The following EPHB4 variants were observed in gnomAD, a reference collection of about 807,000 sequenced individuals.
The protein encoded by EPHB4 is ephrin type-B receptor 4.
A neutral mutation model predicts 110.6 loss-of-function variants in EPHB4; 50 were observed. That is an observed-to-expected ratio of 0.45 (90% CI 0.36 to 0.57). The LOEUF is 0.57. Among genes scored for constraint, EPHB4 ranks in the 20% least tolerant of loss-of-function variants. EPHB4 has a pLI of 0.00. For synonymous variants in EPHB4, 592 were observed against 578.4 expected (o/e 1.02, Z -0.34); for missense variants, 1,128 against 1,382.1 (o/e 0.82, Z 2.91).
At chr7:100,816,436 C>A (rs943950446) in intron 8 of EPHB4, among the ~76,000 whole-genome samples, 2 of 151,526 alleles carry the variant, frequency 1.3e-5, no homozygotes, top group East Asian at 4.0e-4. Context: ...CAGGTTCAAG[C>A]GATTCTCCTG....
intron 13 of EPHB4, among the ~76,000 whole-genome samples, 195 bp from the exon 14 acceptor site, chr7:100,806,764 G>A (rs1381312256): frequency 1.3e-5 from 2 of 152,008 alleles, no homozygotes; most frequent in African/African-American, 2.4e-5. Flanking sequence ...TCCGCCTCCC[G>A]GGTTCAACTG....
chr7:100,823,987 C>A, intron 2 of EPHB4, 56 bp from the exon 3 acceptor site: 1 of 1,525,950 alleles, frequency 6.6e-7, no homozygotes, highest in East Asian at 2.4e-5. Flanking sequence ...GAGAGGGCTG[C>A]ATGGGGTGAA....
chr7:100,819,940 G>C (rs1813178595), intron 5 of EPHB4, 51 bp from the exon 6 acceptor site: 2 of 1,505,092 alleles, frequency 1.3e-6, no homozygotes, highest in Non-Finnish European at 1.8e-6. Context: ...TGCGGTGGTG[G>C]GGAGAGGGCA....
chr7:100,817,169 C>A, intron 8 of EPHB4, 23 bp downstream of exon 8: 1 of 1,506,994 alleles, frequency 6.6e-7, no homozygotes, highest in South Asian at 1.3e-5. Context: ...AACCCCCACC[C>A]TCACCCCCTT....
At chr7:100,806,734 C>T (rs1034982490) in intron 13 of EPHB4, among the ~76,000 whole-genome samples, 165 bp from the exon 14 acceptor site, 3 of 151,996 alleles carry the variant, frequency 2.0e-5, no homozygotes, top group Non-Finnish European at 4.4e-5. Flanking sequence ...TGCAGTGGTG[C>T]GATCTTGGCT....
Position 100,805,495 on chromosome 7 carries a change from C to T in EPHB4, c.2678+6G>A, listed in dbSNP as rs1215943300. On this transcript the variant is annotated splice_donor_region_variant and intron_variant, in intron 15 of 16. Coordinates refer to ENST00000358173, the MANE Select transcript of EPHB4 (RefSeq NM_004444.5). Reference sequence around the variant, plus strand: ...GGAAGGAGGGCCCATTCTCTGCAGTCCTCACCCGCCATTCTCCCGGGCCAC... The same window carrying T: ...GGAAGGAGGGCCCATTCTCTGCAGTTCTCACCCGCCATTCTCCCGGGCCAC... 2 of 1,524,156 alleles carry T rather than the reference C, an allele frequency of 1.3e-6. No homozygotes were observed. The highest frequency in any genetic ancestry group is 1.8e-6 in the Non-Finnish European group (2 of 1,135,662). 94.4% of individuals were successfully genotyped at this position (1,524,156 alleles called of 1,614,324 possible).
At position 100,817,245 on chromosome 7, in the gene EPHB4, T is replaced by C. The variant is rs757880700; in HGVS notation, c.1535A>G (p.Glu512Gly). 5.0e-6 allele frequency: 8 copies of C among 1,602,788 alleles called. No homozygotes were observed. Among genetic ancestry groups the C allele is most frequent in the Non-Finnish European group, 6.8e-6 (8 of 1,175,328 alleles). The change falls in exon 8 of 17, where the codon GAG (glutamate) becomes GGG (glycine). Residue 512 changes from glutamate (E) to glycine (G), a missense_variant. By Grantham distance (98) the Glu-to-Gly change is moderately conservative. Around this residue, in one of 3 missense-constraint regions of EPHB4, gnomAD observed 728 missense variants for 828.6 expected, o/e 0.88. Coordinates refer to ENST00000358173, the MANE Select transcript of EPHB4 (RefSeq NM_004444.5). ...SYLVQVRARS[E>G]AGYGPFGQEH... ...CTGGCCGAAGGGCCCGTAGCCGGCC[T>C]CAGAGCGCGCCCGTACCTGCACCAG...
chr7:100,807,344 C>G (rs769869329), intron 13 of EPHB4, 21 bp downstream of exon 13: 1 of 1,611,398 alleles, frequency 6.2e-7, no homozygotes, highest in South Asian at 1.1e-5. Context: ...AGCTCACACC[C>G]AGTATTACCC....
chr7:100,821,425 C>G (rs940813113), intron 4 of EPHB4, among the ~76,000 whole-genome samples: 1 of 151,138 alleles, frequency 6.6e-6, no homozygotes, highest in Non-Finnish European at 1.5e-5. Context: ...GTCAGGAGAT[C>G]GAGACCATCC....
In EPHB4 at chr7:100,817,082, CAAA is replaced by C. The variant is rs35304729; in HGVS notation, c.1588+107_1588+109del. On this transcript the variant is annotated intron_variant, in intron 8 of 16. Transcript: ENST00000358173. ...TGAGGGACAGAGCAAGACTCCATCT[CAAA>C]AAAAAAAAAAAAAAAAAAAGATGAT... 25,951 of 777,812 alleles carry C rather than the reference CAAA, an allele frequency of 0.033. 1,050 individuals are homozygous for C. In the East Asian group the frequency reaches 0.37, roughly 11 times the overall value. The allele number at this position is 777,812 out of a possible 1,614,324, so 48.2% of individuals were successfully genotyped here. A position where few individuals can be genotyped will look rare whatever the true frequency, so the allele number is the denominator to read the frequency against.
At position 100,822,757 on chromosome 7, in the gene EPHB4, C is replaced by A. The variant is rs1813269329; in HGVS notation, c.412-90G>T. 2 of 1,430,486 alleles carry A rather than the reference C, an allele frequency of 1.4e-6. No individual in the cohort carries two copies. The highest frequency in any genetic ancestry group is 1.4e-5 in the African/African-American group (1 of 69,772). The allele number at this position is 1,430,486 out of a possible 1,614,324, so 88.6% of individuals were successfully genotyped here. A position where few individuals can be genotyped will look rare whatever the true frequency, so the allele number is the denominator to read the frequency against. ...GTTCTTCCCAGCTCACCCTCCCGGA[C>A]CTCCTTGGTTCCCGTTCCAGAATCT... On this transcript the variant is annotated intron_variant, in intron 3 of 16. Transcript: ENST00000358173. The surrounding 1 kb of genome is among the most constrained non-coding windows in gnomAD (Gnocchi z 4.7).
Position 100,823,632 on chromosome 7 carries a change from G to A in EPHB4, c.411+12C>T, listed in dbSNP as rs565844571. ...CCTTGGCTGTGGCTGAGCCCTGGGG[G>A]CACCCAGGTACCTTGATGTAGGGGT... On this transcript the variant is annotated intron_variant, in intron 3 of 16. Coordinates refer to ENST00000358173, the MANE Select transcript of EPHB4 (RefSeq NM_004444.5). 4.4e-6 allele frequency: 7 copies of A among 1,608,694 alleles called. No homozygotes were observed. In the African/African-American group the frequency reaches 9.3e-5, roughly 21 times the overall value.
Position 100,827,321 on chromosome 7 carries a change from C to G in EPHB4, c.-291G>C, listed in dbSNP as rs1027470148. On this transcript the variant is annotated 5_prime_UTR_variant, in exon 1 of 17. Coordinates refer to ENST00000358173, the MANE Select transcript of EPHB4 (RefSeq NM_004444.5). ...TGGGGTCCCTCCGGGGCCTCGGGGT[C>G]CCGCCCCGGGTGGCGGGGGCTGAGC... 6.6e-6 allele frequency: 1 copy of G among 152,006 alleles called. No individual in the cohort carries two copies. Among genetic ancestry groups the G allele is most frequent in the African/African-American group, 2.4e-5 (1 of 41,204 alleles). The allele number at this position is 152,006 out of a possible 1,614,324, so 9.4% of individuals were successfully genotyped here.
rs1417723516 is a variant in EPHB4 at position 100,803,488 on chromosome 7, C to T, written c.2937G>A (p.Gly979=). ...KSQAKPGTPG[G]TGGPAPQY is the part of the protein sequence containing the mutation. ...AGTACTGCGGGGCCGGTCCTCCTGT[C>T]CCACCCGGGGTTCCCGGCTTGGCCT... Residue 979 remains glycine, a synonymous_variant, in exon 17 of 17, where the codon GGG becomes GGA. Coordinates refer to ENST00000358173, the MANE Select transcript of EPHB4 (RefSeq NM_004444.5). 6.3e-7 allele frequency: 1 copy of T among 1,580,718 alleles called. No individual in the cohort carries two copies. The highest frequency in any genetic ancestry group is 1.8e-5 in the Admixed American group (1 of 55,016).
At chr7:100,810,016 A>C (rs1812894244) in intron 12 of EPHB4, among the ~76,000 whole-genome samples, 1 of 152,152 alleles carries the variant, frequency 6.6e-6, no homozygotes, top group South Asian at 2.1e-4. Context: ...TGGGAGGCTG[A>C]GGTGGTGGGC....
Position 100,806,487 on chromosome 7 carries a change from T to TA in EPHB4, c.2416dup (p.Tyr806LeufsTer29). On this transcript the variant is annotated frameshift_variant, in exon 14 of 17. Transcript: ENST00000358173. LOFTEE classifies it high-confidence loss of function. ...CATCACCTCCCACATCACAATCCCG[T>TA]AACTCCAGGCATCACTGGCGGAAGT... 6.2e-7 allele frequency: 1 copy of TA among 1,614,052 alleles called. No individual in the cohort carries two copies. The highest frequency in any genetic ancestry group is 8.5e-7 in the Non-Finnish European group (1 of 1,180,006).
At position 100,805,229 on chromosome 7, in the gene EPHB4, T is replaced by C. The variant is rs1402113060; in HGVS notation, c.2771A>G (p.Tyr924Cys). 6.2e-7 allele frequency: 1 copy of C among 1,613,394 alleles called. No individual in the cohort carries two copies. The highest frequency in any genetic ancestry group is 8.5e-7 in the Non-Finnish European group (1 of 1,179,810). The change falls in exon 16 of 17, where the codon TAC (tyrosine) becomes TGC (cysteine). Residue 924 changes from tyrosine to cysteine, a missense_variant. Tyr to Cys is a radical substitution (Grantham distance 194, BLOSUM62 -2). Coordinates refer to ENST00000358173, the MANE Select transcript of EPHB4 (RefSeq NM_004444.5). ...EWLRAIKMGR[Y>C]EESFAAAGFG... ...GCCAGCGGCTGCGAAACTTTCTTCG[T>C]ATCTTCCCATTTTGATGGCCCGAAG...
chr7:100,810,261 A>G (rs1041411136), intron 12 of EPHB4, among the ~76,000 whole-genome samples: 1 of 152,010 alleles, frequency 6.6e-6, no homozygotes, highest in African/African-American at 2.4e-5. Context: ...AAACAAACAA[A>G]CAAAACCAAA....
chr7:100,807,631 C>G (rs746651892), intron 12 of EPHB4, 51 bp from the exon 13 acceptor site: 27 of 1,560,342 alleles, frequency 1.7e-5, no homozygotes, highest in South Asian at 8.1e-5. Context: ...ACCCACCGTT[C>G]CCCCTCCCAT....
Sources: allele counts gnomAD v4.1 joint callset (sites outside exome capture counted in the v4.1 genomes callset), GRCh38; gene constraint gnomAD v4.1.1; regional missense constraint gnomAD v4.1.1; non-coding constraint Gnocchi (gnomAD v3.1); transcripts MANE v1.5; gene names NCBI Gene and HGNC (gene_info 2026-07-23, HGNC 2026-07-21).